EFCAB10: variants seen among roughly 807,000 people sequenced by gnomAD.
EFCAB10 encodes EF-hand calcium binding domain 10.
A neutral mutation model predicts 7.7 loss-of-function variants in EFCAB10; 7 were observed. The ratio of observed to expected loss-of-function variants is 0.91; its 90% CI spans 0.52 to 1.72. The LOEUF is 1.72. EFCAB10 is among the 40% of genes most tolerant of loss of function. The probability of loss-of-function intolerance (pLI) is 0.00; values close to 1 mark genes in which losing one functional copy is unlikely to be tolerated. For synonymous variants in EFCAB10, 52 were observed against 21.0 expected (o/e 2.47, Z -4.03); for missense variants, 112 against 61.5 (o/e 1.82, Z -2.74).
At chr7:105,566,926 A>C in intron 4 of EFCAB10, 1 of 380,580 alleles carries the variant, frequency 2.6e-6, no homozygotes, top group Non-Finnish European at 4.6e-6. Context: ...CCTTATAGTA[A>C]TCTAAAGAAA....
chr7:105,565,567 C>G (rs1791683980), intron 4 of EFCAB10, 120 bp from the exon 5 acceptor site: 1 of 1,613,768 alleles, frequency 6.2e-7, no homozygotes, highest in African/African-American at 1.3e-5. Context: ...GGAGGAGCAG[C>G]CCAGCTGCAG....
intron 1 of EFCAB10, among the ~76,000 whole-genome samples, chr7:105,570,240 A>AAAAAATAAAT (rs35907051): frequency 4.0e-5 from 1 of 24,884 alleles, no homozygotes; most frequent in Non-Finnish European, 7.8e-5. Context: ...AAAAAAAAAA[A>AAAAAATAAAT]ATATATATAT....
At position 105,581,433 on chromosome 7, in the gene EFCAB10, C is replaced by T. The variant is rs989981799; in HGVS notation, c.31G>A (p.Ala11Thr). 5.7e-6 allele frequency: 4 copies of T among 703,134 alleles called. No individual in the cohort carries two copies. Among genetic ancestry groups the T allele is most frequent in the Admixed American group, 4.0e-5 (2 of 50,012 alleles). The allele number at this position is 703,134 out of a possible 1,614,324, so 43.6% of individuals were successfully genotyped here. ...ATCTGATGCTTTTCCAAATACTCCG[C>T]GGCTTGGAGCTCCCTGCTGCTGGTC... The part of the protein sequence containing the change: METSSRELQA[A>T]EYLEKHQIKE... Residue 11 changes from alanine (A) to threonine (T), a missense_variant, in exon 1 of 5, where the codon GCG (alanine) becomes ACG (threonine). Transcript: ENST00000480514.
At chr7:105,581,070 A>G (rs1470634455) in intron 1 of EFCAB10, among the ~76,000 whole-genome samples, 1 of 152,168 alleles carries the variant, frequency 6.6e-6, no homozygotes, top group East Asian at 1.9e-4. Flanking sequence ...AAATACAAAA[A>G]TTAGCCATGC....
At chr7:105,571,088 CAG>C in intron 1 of EFCAB10, 1 of 151,958 alleles carries the variant, frequency 6.6e-6, no homozygotes, top group Non-Finnish European at 1.5e-5. Flanking sequence ...TAAAAGTAGA[CAG>C]AAAAGTAAAA....
intron 1 of EFCAB10, among the ~76,000 whole-genome samples, chr7:105,570,488 A>G (rs1318249178): frequency 1.3e-5 from 2 of 151,772 alleles, no homozygotes; most frequent in African/African-American, 4.8e-5. Context: ...AAAAAGCCAA[A>G]AAGAGTAGTG....
chr7:105,569,667 G>A (rs777478603), intron 1 of EFCAB10, 96 bp from the exon 2 acceptor site: 1 of 633,654 alleles, frequency 1.6e-6, no homozygotes, highest in Non-Finnish European at 2.8e-6. Flanking sequence ...CTATAGCAAA[G>A]GCACTGTACT....
At chr7:105,577,858 A>G (rs939671673) in intron 1 of EFCAB10, among the ~76,000 whole-genome samples, 13 of 152,108 alleles carry the variant, frequency 8.5e-5, no homozygotes, top group African/African-American at 3.1e-4. Context: ...AACTGATTAC[A>G]AGCATGTGCC....
At chr7:105,576,631 A>G (rs1298024396) in intron 1 of EFCAB10, among the ~76,000 whole-genome samples, 1 of 152,036 alleles carries the variant, frequency 6.6e-6, no homozygotes, top group African/African-American at 2.4e-5. Context: ...TTTTTAGTAG[A>G]GATGGAGTTT....
intron 1 of EFCAB10, among the ~76,000 whole-genome samples, chr7:105,576,089 G>T (rs539124544): frequency 6.6e-6 from 1 of 152,142 alleles, no homozygotes; most frequent in Non-Finnish European, 1.5e-5. Context: ...TAAAGCTAGT[G>T]TGTCTTTCTA....
At position 105,569,568 on chromosome 7, in the gene EFCAB10, T is replaced by G. The variant is rs1791884120; in HGVS notation, c.110A>C (p.Lys37Thr). The G allele has an allele frequency of 1.4e-6, 1 of 690,270 alleles. No individual in the cohort carries two copies. The highest frequency in any genetic ancestry group is 2.6e-6 in the Non-Finnish European group (1 of 381,948). The allele number at this position is 690,270 out of a possible 1,614,324, so 42.8% of individuals were successfully genotyped here. ...TAGAGATATTAAATATTCTTTTGGT[T>G]TTTCTGCAAAAGAATAGTTCCAGCT... is the stretch of plus-strand genomic sequence containing the variant. ...TSALLFFRPE[K>T]PKEYLISLLE... The change falls in exon 2 of 5, where the codon AAA becomes ACA. Residue 37 changes from lysine (K) to threonine (T), a missense_variant. Coordinates refer to ENST00000480514, the MANE Select transcript of EFCAB10 (RefSeq NM_001355526.2).
At chr7:105,568,540 A>C (rs931073491) in intron 3 of EFCAB10, among the ~76,000 whole-genome samples, 3 of 152,188 alleles carry the variant, frequency 2.0e-5, no homozygotes, top group Non-Finnish European at 4.4e-5. Flanking sequence ...TATGTATTTT[A>C]TAGAGAGAGT....
At chr7:105,567,391 T>A in intron 4 of EFCAB10, 76 bp downstream of exon 4, 2 of 983,036 alleles carry the variant, frequency 2.0e-6, no homozygotes. Context: ...TATGATGAAA[T>A]TCTGAATTAA....
At chr7:105,569,096 G>A (rs1791870432) in intron 3 of EFCAB10, 107 bp downstream of exon 3, 1 of 659,092 alleles carries the variant, frequency 1.5e-6, no homozygotes, top group South Asian at 1.7e-5. Flanking sequence ...AGTTTCAAGG[G>A]AACAAAATAT....
intron 3 of EFCAB10, among the ~76,000 whole-genome samples, chr7:105,567,885 T>C (rs182359150): frequency 6.6e-6 from 1 of 152,222 alleles, no homozygotes; most frequent in East Asian, 1.9e-4. Flanking sequence ...TTCTAGCTAC[T>C]TGGGAGGCTG....
chr7:105,578,255 G>A (rs759546418), intron 1 of EFCAB10, among the ~76,000 whole-genome samples: 9 of 152,116 alleles, frequency 5.9e-5, no homozygotes, highest in Non-Finnish European at 8.8e-5. Context: ...CATAAAGAAC[G>A]ACTAATGAAG....
At chr7:105,574,245 G>GTA (rs58936582) in intron 1 of EFCAB10, among the ~76,000 whole-genome samples, 3,435 of 143,628 alleles carry the variant, frequency 0.024, 41 homozygotes, top group African/African-American at 0.04. Flanking sequence ...CATATATACA[G>GTA]TATATATATA....
At position 105,565,135 on chromosome 7, in the gene EFCAB10, A is replaced by T. The variant is rs539497840; in HGVS notation, c.*312T>A. 1.5e-4 allele frequency: 89 copies of T among 576,826 alleles called. 1 individual carries two copies. The South Asian group carries it at 2.7e-3, about 18-fold the overall frequency. 35.7% of individuals were successfully genotyped at this position (576,826 alleles called of 1,614,324 possible). A position where few individuals can be genotyped will look rare whatever the true frequency, so the allele number is the denominator to read the frequency against. ...TAAATACAGGTACATTTATTTTCTG[A>T]TAGAGCTTTTAATGTTAGGCTGTAT... On this transcript the variant is annotated 3_prime_UTR_variant, in exon 5 of 5. Coordinates refer to ENST00000480514, the MANE Select transcript of EFCAB10 (RefSeq NM_001355526.2).
At chr7:105,566,975 G>A (rs1237930325) in intron 4 of EFCAB10, 6 of 464,788 alleles carry the variant, frequency 1.3e-5, no homozygotes, top group Non-Finnish European at 2.2e-5. Context: ...CATGTTAAAA[G>A]AACCAAATAA....
Sources: allele counts gnomAD v4.1 joint callset (sites outside exome capture counted in the v4.1 genomes callset), GRCh38; gene constraint gnomAD v4.1.1; transcripts MANE v1.5; gene names NCBI Gene and HGNC (gene_info 2026-07-23, HGNC 2026-07-21).